The following TYR variants were observed in gnomAD, a reference collection of about 807,000 sequenced individuals.
TYR encodes the protein tyrosinase, also known as LB24-AB.
In TYR, 58 loss-of-function variants were observed where a neutral mutation model predicts 51.5. The observed-to-expected ratio is 1.13, with a 90% CI of 0.91 to 1.40. The LOEUF is 1.40. Ranked by LOEUF, TYR falls within the 40% of genes most tolerant of loss-of-function variation. TYR has a pLI of 0.00. For missense variants in TYR, 732 were observed against 647.4 expected, an observed-to-expected ratio of 1.13 and a Z score of -1.42; for synonymous variants, 263 against 235.2, an observed-to-expected ratio of 1.12 and a Z score of -1.08.
chr11:89,185,389 A>G (rs927351576), intron 1 of TYR, among the ~76,000 whole-genome samples: 6 of 152,166 alleles, frequency 3.9e-5, no homozygotes, highest in African/African-American at 1.4e-4. Flanking sequence ...AGCACTCAAC[A>G]CATACTTTTT....
Position 89,284,851 on chromosome 11 carries a change from C to T in TYR, c.1263C>T (p.Asn421=). Residue 421 remains asparagine (N), a synonymous_variant, in exon 4 of 5, where the codon AAC becomes AAT. Transcript: ENST00000263321. ...AAGCCAATGCACCCATTGGACATAA[C>T]CGGGAATCCTACATGGTTCCTTTTA... ...YPEANAPIGH[N]RESYMVPFIP... is the part of the protein sequence containing the mutation. 1 of 1,612,014 alleles carries T rather than the reference C, an allele frequency of 6.2e-7. No individual in the cohort carries two copies. Among genetic ancestry groups the T allele is most frequent in the Non-Finnish European group, 8.5e-7 (1 of 1,178,616 alleles).
At chr11:89,247,395 G>A (rs1008226234) in intron 3 of TYR, among the ~76,000 whole-genome samples, 1 of 152,138 alleles carries the variant, frequency 6.6e-6, no homozygotes, top group African/African-American at 2.4e-5. Context: ...TTTTGTTGTG[G>A]AGTGAAATAT....
intron 2 of TYR, among the ~76,000 whole-genome samples, chr11:89,207,743 G>T (rs1017389535): frequency 5.3e-5 from 8 of 152,014 alleles, no homozygotes; most frequent in Non-Finnish European, 1.5e-5. Flanking sequence ...CATATAAAAA[G>T]AATTTTATGC....
At chr11:89,280,921 T>C (rs1313142009) in intron 3 of TYR, among the ~76,000 whole-genome samples, 1 of 151,730 alleles carries the variant, frequency 6.6e-6, no homozygotes, top group African/African-American at 2.4e-5. Flanking sequence ...TCTCTATTCT[T>C]GGTTTTGGGT....
At chr11:89,262,847 C>CAAAAAAAAAAAA (rs771958187) in intron 3 of TYR, among the ~76,000 whole-genome samples, 21 of 19,282 alleles carry the variant, frequency 1.1e-3, no homozygotes, top group East Asian at 3.8e-3. Context: ...GCTACTCATC[C>CAAAAAAAAAAAA]AAAAAAAAAA....
chr11:89,253,004 A>G (rs1944348182), intron 3 of TYR, among the ~76,000 whole-genome samples: 1 of 151,802 alleles, frequency 6.6e-6, no homozygotes, highest in African/African-American at 2.4e-5. Context: ...AATCCAGGTT[A>G]ATTTCTCTAT....
At chr11:89,186,834 A>G (rs941677639) in intron 1 of TYR, among the ~76,000 whole-genome samples, 2 of 152,114 alleles carry the variant, frequency 1.3e-5, no homozygotes, top group East Asian at 3.9e-4. Context: ...GTGGGGTCCT[A>G]ATCCAACAGT....
chr11:89,202,429 T>C (rs1565396035), intron 2 of TYR, among the ~76,000 whole-genome samples: 1 of 151,796 alleles, frequency 6.6e-6, no homozygotes, highest in African/African-American at 2.4e-5. Flanking sequence ...TTTTTTTTTA[T>C]AGTAAATAGT....
chr11:89,222,540 AT>A (rs1943925490), intron 2 of TYR, among the ~76,000 whole-genome samples: 1 of 152,128 alleles, frequency 6.6e-6, no homozygotes, highest in South Asian at 2.1e-4. Flanking sequence ...GTAGTTTGAG[AT>A]TAGTGTGGCC....
intron 3 of TYR, among the ~76,000 whole-genome samples, chr11:89,256,055 G>A (rs1225007141): frequency 6.6e-6 from 1 of 151,402 alleles, no homozygotes; most frequent in Non-Finnish European, 1.5e-5. Flanking sequence ...TTTACATATG[G>A]TTTGTTATAG....
At chr11:89,215,459 T>C (rs1452159120) in intron 2 of TYR, among the ~76,000 whole-genome samples, 1 of 152,114 alleles carries the variant, frequency 6.6e-6, no homozygotes, top group African/African-American at 2.4e-5. Context: ...ACACGGCACA[T>C]GTACACCTAT....
chr11:89,263,737 G>A (rs1590887006), intron 3 of TYR, among the ~76,000 whole-genome samples: 1 of 152,158 alleles, frequency 6.6e-6, no homozygotes, highest in East Asian at 1.9e-4. Context: ...AACAATTTCA[G>A]TAATATCAGA....
chr11:89,200,337 A>C (rs542907774), intron 2 of TYR: 1 of 152,334 alleles, frequency 6.6e-6, no homozygotes, highest in African/African-American at 2.4e-5. Flanking sequence ...TTAGCCTCCC[A>C]AAATGCTGGG....
intron 2 of TYR, among the ~76,000 whole-genome samples, chr11:89,195,985 A>T (rs12419071): frequency 0.16 from 24,481 of 152,086 alleles, 2,408 homozygotes; most frequent in African/African-American, 0.28. Flanking sequence ...ACTGACTAGG[A>T]TTACATCCTA....
At chr11:89,213,640 C>G (rs1160743587) in intron 2 of TYR, among the ~76,000 whole-genome samples, 1 of 152,022 alleles carries the variant, frequency 6.6e-6, no homozygotes, top group Non-Finnish European at 1.5e-5. Flanking sequence ...ACAATTAATT[C>G]TAAGCAAAAA....
chr11:89,234,845 T>G (rs1341597000), intron 3 of TYR, among the ~76,000 whole-genome samples: 1 of 152,136 alleles, frequency 6.6e-6, no homozygotes, highest in Non-Finnish European at 1.5e-5. Context: ...TTTAAAACTT[T>G]GTAATATTGC....
At chr11:89,265,219 C>T (rs1944511330) in intron 3 of TYR, among the ~76,000 whole-genome samples, 1 of 151,918 alleles carries the variant, frequency 6.6e-6, no homozygotes, top group Non-Finnish European at 1.5e-5. Context: ...GAGATAAAAA[C>T]AATGATTCTC....
At chr11:89,218,127 G>C (rs1298188316) in intron 2 of TYR, among the ~76,000 whole-genome samples, 1 of 152,048 alleles carries the variant, frequency 6.6e-6, no homozygotes, top group Non-Finnish European at 1.5e-5. Flanking sequence ...ATTGAGAGAG[G>C]CCTATAACAT....
At chr11:89,242,801 T>A (rs1023382617) in intron 3 of TYR, among the ~76,000 whole-genome samples, 3 of 152,106 alleles carry the variant, frequency 2.0e-5, no homozygotes, top group African/African-American at 7.2e-5. Context: ...CCTAAAGAGG[T>A]CCTGACCAAC....
Sources: gnomAD v4.1 joint callset for allele counts (sites outside exome capture counted in the v4.1 genomes callset) on GRCh38, gnomAD v4.1.1 for gene constraint, MANE v1.5 for transcripts, NCBI Gene and HGNC (gene_info 2026-07-23, HGNC 2026-07-21) for gene names.